CYP7B1: variants seen among roughly 807,000 people sequenced by gnomAD.
CYP7B1 encodes cytochrome P450 7B1.
Under a neutral mutation model 42.7 loss-of-function variants are expected in CYP7B1, and 29 were observed. The observed-to-expected ratio is 0.68, with a 90% CI of 0.51 to 0.93. CYP7B1 has a LOEUF of 0.93. Among genes scored for constraint, CYP7B1 ranks in the 40% least tolerant of loss-of-function variants. The pLI is 0.00. For synonymous variants in CYP7B1, 235 were observed against 218.2 expected, an observed-to-expected ratio of 1.08 and a Z score of -0.68; for missense variants, 655 against 600.5, an observed-to-expected ratio of 1.09 and a Z score of -0.95.
chr8:64,627,470 T>A (rs1421202377), intron 1 of CYP7B1, among the ~76,000 whole-genome samples: 1 of 152,208 alleles, frequency 6.6e-6, no homozygotes, highest in African/African-American at 2.4e-5. Flanking sequence ...CTACTTATAC[T>A]CTGTTTGGTT....
chr8:64,672,257 G>A (rs1459940195), intron 1 of CYP7B1, among the ~76,000 whole-genome samples: 1 of 152,094 alleles, frequency 6.6e-6, no homozygotes, highest in Non-Finnish European at 1.5e-5. Flanking sequence ...ACACCAACCT[G>A]GAACTGGAGG....
intron 1 of CYP7B1, among the ~76,000 whole-genome samples, chr8:64,637,851 G>T (rs1166479405): frequency 6.6e-6 from 1 of 152,038 alleles, no homozygotes; most frequent in African/African-American, 2.4e-5. Flanking sequence ...TTCCTTCAGT[G>T]CTCTCTAAAT....
intron 1 of CYP7B1, among the ~76,000 whole-genome samples, chr8:64,633,083 C>A (rs1302742353): frequency 6.6e-6 from 1 of 152,026 alleles, no homozygotes; most frequent in African/African-American, 2.4e-5. Context: ...AATTTGAGTT[C>A]AGATATGAAG....
intron 1 of CYP7B1, chr8:64,734,348 C>A (rs1364418752): frequency 6.6e-6 from 1 of 152,166 alleles, no homozygotes; most frequent in Non-Finnish European, 1.5e-5. Context: ...TCTCACAGTT[C>A]TAGAAGCTGG....
At chr8:64,667,739 A>C (rs2129631590) in intron 1 of CYP7B1, among the ~76,000 whole-genome samples, 1 of 152,220 alleles carries the variant, frequency 6.6e-6, no homozygotes, top group South Asian at 2.1e-4. Context: ...GATGGGAAAA[A>C]CCATTGTCTT....
intron 1 of CYP7B1, among the ~76,000 whole-genome samples, chr8:64,784,267 G>A (rs903095036): frequency 6.6e-6 from 1 of 152,076 alleles, no homozygotes; most frequent in Non-Finnish European, 1.5e-5. Flanking sequence ...ACAAAAGCAA[G>A]TAAACACAAA....
chr8:64,639,087 A>G (rs1006339910), intron 1 of CYP7B1, among the ~76,000 whole-genome samples: 1 of 151,928 alleles, frequency 6.6e-6, no homozygotes, highest in Non-Finnish European at 1.5e-5. Flanking sequence ...TTATACATCT[A>G]TAGAAGGTGT....
chr8:64,755,115 G>C (rs957403452), intron 1 of CYP7B1, among the ~76,000 whole-genome samples: 1 of 152,180 alleles, frequency 6.6e-6, no homozygotes, highest in Admixed American at 6.5e-5. Flanking sequence ...CCTGAGATTT[G>C]TGCTTAGGGT....
intron 1 of CYP7B1, among the ~76,000 whole-genome samples, chr8:64,752,940 T>C (rs1807750661): frequency 6.6e-6 from 1 of 152,138 alleles, no homozygotes; most frequent in Non-Finnish European, 1.5e-5. Context: ...TTCTGCTACA[T>C]ATTAAAGAGA....
At chr8:64,670,132 G>A (rs531674309) in intron 1 of CYP7B1, among the ~76,000 whole-genome samples, 16 of 152,146 alleles carry the variant, frequency 1.1e-4, no homozygotes, top group South Asian at 2.1e-4. Flanking sequence ...TGTCTGTGCC[G>A]TGCCCTGTTG....
At chr8:64,675,968 C>A in intron 1 of CYP7B1, among the ~76,000 whole-genome samples, 1 of 152,162 alleles carries the variant, frequency 6.6e-6, no homozygotes, top group East Asian at 1.9e-4. Flanking sequence ...AAACTCAGAG[C>A]TCCTTGAAGG....
At chr8:64,691,486 G>GGT (rs1554532289) in intron 1 of CYP7B1, among the ~76,000 whole-genome samples, 2 of 149,584 alleles carry the variant, frequency 1.3e-5, no homozygotes, top group Non-Finnish European at 1.5e-5. Context: ...GGCAACTGGG[G>GGT]GGGGGGGGTG....
At chr8:64,697,048 GA>G (rs904143982) in intron 1 of CYP7B1, among the ~76,000 whole-genome samples, 3 of 151,892 alleles carry the variant, frequency 2.0e-5, no homozygotes, top group South Asian at 4.2e-4. Context: ...TCACACAGGG[GA>G]AAAAAAGGGT....
chr8:64,762,746 T>G (rs1054473867), intron 1 of CYP7B1, among the ~76,000 whole-genome samples: 6 of 152,242 alleles, frequency 3.9e-5, no homozygotes, highest in African/African-American at 1.4e-4. Flanking sequence ...ATAACAGTTT[T>G]ATGGATTTAT....
rs146899826 is a variant in CYP7B1 at position 64,739,121 on chromosome 8, C to T, written c.122+59345G>A. On this transcript the variant is annotated intron_variant, in intron 1 of 5. Transcript: ENST00000310193. The stretch of plus-strand genomic sequence containing the variant: ...AAAGATTTTACCAGAGCCTTACCCC[C>T]GCCCCAGGCACAGGGCATTTCTCCT... Among the ~76,000 whole-genome samples the T allele has an allele frequency of 7.2e-5, 11 of 152,306 alleles. No individual in the cohort carries two copies. The East Asian group carries it at 1.2e-3, about 16-fold the overall frequency.
chr8:64,756,912 C>T (rs1019754657), intron 1 of CYP7B1, among the ~76,000 whole-genome samples: 39 of 152,164 alleles, frequency 2.6e-4, no homozygotes, highest in African/African-American at 8.7e-4. Context: ...CTTACCCAGA[C>T]GGTTTAAAGA....
At chr8:64,766,011 T>C (rs761621090) in intron 1 of CYP7B1, among the ~76,000 whole-genome samples, 3 of 152,186 alleles carry the variant, frequency 2.0e-5, no homozygotes, top group Non-Finnish European at 2.9e-5. Flanking sequence ...AGTGCTGCCA[T>C]AACTGCAGCC....
intron 2 of CYP7B1, among the ~76,000 whole-genome samples, chr8:64,624,120 AT>A (rs1002498081): frequency 4.0e-5 from 6 of 151,384 alleles, no homozygotes; most frequent in Admixed American, 1.3e-4. Context: ...ATATATATAT[AT>A]TTTTTTTTCT....
At chr8:64,790,460 G>A (rs1804599287) in intron 1 of CYP7B1, among the ~76,000 whole-genome samples, 1 of 152,206 alleles carries the variant, frequency 6.6e-6, no homozygotes, top group Non-Finnish European at 1.5e-5. Flanking sequence ...AAAGTCGAAA[G>A]CTCCTTGCCC....
Sources: gnomAD v4.1 joint callset for allele counts (sites outside exome capture counted in the v4.1 genomes callset) on GRCh38, gnomAD v4.1.1 for gene constraint, MANE v1.5 for transcripts, NCBI Gene and HGNC (gene_info 2026-07-23, HGNC 2026-07-21) for gene names.